The following CYFIP2 variants were observed in gnomAD, a reference collection of about 807,000 sequenced individuals.
CYFIP2 encodes the protein cytoplasmic FMR1-interacting protein 2.
In CYFIP2, 29 loss-of-function variants were observed where a neutral mutation model predicts 158.7. That is an observed-to-expected ratio of 0.18 (90% CI 0.14 to 0.25). The LOEUF is 0.25. Ranked by LOEUF, CYFIP2 falls within the 10% of genes least tolerant of loss-of-function variation. The pLI is 1.00. For synonymous variants in CYFIP2, 585 were observed against 617.6 expected (o/e 0.95, Z 0.78); for missense variants, 852 against 1,639.5 (o/e 0.52, Z 8.29).
At chr5:157,306,437 G>A (rs570709651) in intron 8 of CYFIP2, among the ~76,000 whole-genome samples, 5 of 152,204 alleles carry the variant, frequency 3.3e-5, no homozygotes, top group East Asian at 3.9e-4. Context: ...CCCCATACCC[G>A]GACTTCCCTG....
intron 6 of CYFIP2, 32 bp from the exon 7 acceptor site, chr5:157,302,762 C>T (rs181281359): frequency 1.9e-6 from 3 of 1,539,638 alleles, no homozygotes; most frequent in Middle Eastern, 1.7e-4. Flanking sequence ...CTTGGACAGT[C>T]CTCTCTGCAG....
intron 13 of CYFIP2, among the ~76,000 whole-genome samples, chr5:157,318,249 G>T (rs1026277111): frequency 1.3e-5 from 2 of 152,190 alleles, no homozygotes; most frequent in African/African-American, 2.4e-5. Flanking sequence ...CAGTTATTTG[G>T]TGGTTAGTGA....
chr5:157,340,389 A>G lies in CYFIP2; in HGVS notation c.2586-681A>G, dbSNP rs551261675. Among the ~76,000 whole-genome samples, 7 of 152,360 alleles carry G rather than the reference A, an allele frequency of 4.6e-5. No homozygotes were observed. In the South Asian group the frequency reaches 1.2e-3, roughly 27 times the overall value. On this transcript the variant is annotated intron_variant, in intron 22 of 30. Coordinates refer to ENST00000620254, the MANE Select transcript of CYFIP2 (RefSeq NM_001037333.3). ...AAGTGAGATAGATTTCCAGTTCTAT[A>G]AAGATTTAGGAGCTTTAACACTCTT...
At chr5:157,346,300 G>GC (rs561632810) in intron 23 of CYFIP2, among the ~76,000 whole-genome samples, 187 of 152,100 alleles carry the variant, frequency 1.2e-3, no homozygotes, top group African/African-American at 4.2e-3. Context: ...GTTGAATAAT[G>GC]CCCCCCCAAA....
In CYFIP2 at chr5:157,361,305, G is replaced by A. The variant is rs891220371; in HGVS notation, c.2909-163G>A. The A allele has an allele frequency of 8.9e-6, 7 of 786,144 alleles. No individual in the cohort carries two copies. Among genetic ancestry groups the A allele is most frequent in the Middle Eastern group, 3.8e-4 (1 of 2,644 alleles). The allele number at this position is 786,144 out of a possible 1,614,324, so 48.7% of individuals were successfully genotyped here. ...CTACTCGAACTTTGTCCAGTACTGA[G>A]CCCTGAAAGAAATCTCACTCTGGGC... On this transcript the variant is annotated intron_variant, in intron 25 of 30. Transcript: ENST00000620254. The surrounding 1 kb of genome is among the most constrained non-coding windows in gnomAD (Gnocchi z 4.4).
rs2113240995 is a variant in CYFIP2 at position 157,341,128 on chromosome 5, G to A, written c.2644G>A (p.Val882Ile). 7 of 1,613,906 alleles carry A rather than the reference G, an allele frequency of 4.3e-6. No homozygotes were observed. The highest frequency in any genetic ancestry group is 1.1e-5 in the South Asian group (1 of 91,070). ...QEPQRDKPAN[V>I]QPYYLYGSKP... is the part of the protein sequence containing the mutation. ...ACCACAACGAGACAAACCTGCCAAC[G>A]TCCAGCCTTATTACCTCTATGGATC... Residue 882 changes from valine to isoleucine, a missense_variant, in exon 23 of 31, where the codon GTC (valine) becomes ATC (isoleucine). Coordinates refer to ENST00000620254, the MANE Select transcript of CYFIP2 (RefSeq NM_001037333.3).
intron 1 of CYFIP2, among the ~76,000 whole-genome samples, chr5:157,280,425 G>C (rs943166793): frequency 2.0e-5 from 3 of 146,460 alleles, no homozygotes; most frequent in African/African-American, 5.1e-5. Flanking sequence ...AAATTGACCA[G>C]GCTGGTCAGG....
chr5:157,351,234 C>T (rs899062048), intron 23 of CYFIP2, among the ~76,000 whole-genome samples: 13 of 152,030 alleles, frequency 8.6e-5, no homozygotes, highest in Non-Finnish European at 1.9e-4. Flanking sequence ...CCTGGGCTTA[C>T]GAATAGTAGC....
chr5:157,324,587 A>G (rs1182038798), intron 16 of CYFIP2, among the ~76,000 whole-genome samples: 1 of 152,224 alleles, frequency 6.6e-6, no homozygotes, highest in Non-Finnish European at 1.5e-5. Context: ...TGTAACAAAC[A>G]GTACAAACTT....
At chr5:157,346,034 C>T (rs992772534) in intron 23 of CYFIP2, among the ~76,000 whole-genome samples, 3 of 152,178 alleles carry the variant, frequency 2.0e-5, no homozygotes, top group African/African-American at 7.2e-5. Context: ...CTACACTTCC[C>T]CATCCCAACT....
intron 15 of CYFIP2, among the ~76,000 whole-genome samples, chr5:157,322,624 C>T (rs540486135): frequency 4.9e-4 from 75 of 152,310 alleles, no homozygotes; most frequent in African/African-American, 1.8e-3. Context: ...GAGGCACTGA[C>T]GGCCACTGTG....
chr5:157,283,398 A>G (rs1344597459), intron 1 of CYFIP2, among the ~76,000 whole-genome samples: 1 of 152,212 alleles, frequency 6.6e-6, no homozygotes, highest in Non-Finnish European at 1.5e-5. Context: ...TCCCTCCTGT[A>G]AAATGGACCT....
Position 157,389,207 on chromosome 5 carries a change from G to C in CYFIP2, c.3226G>C (p.Glu1076Gln). 1.2e-6 allele frequency: 2 copies of C among 1,612,206 alleles called. No individual in the cohort carries two copies. The highest frequency in any genetic ancestry group is 8.5e-7 in the Non-Finnish European group (1 of 1,178,658). ...GTPQQIAIAR[E>Q]GDLLTKERLC... is the part of the protein sequence containing the mutation. ...TTTCCAGCAAATCGCCATTGCTCGCGAGGGTGACCTCCTGACCAAGGAGCG... is the reference window on the plus strand; with the variant it reads ...TTTCCAGCAAATCGCCATTGCTCGCCAGGGTGACCTCCTGACCAAGGAGCG... The change falls in exon 29 of 31, where the codon GAG becomes CAG. Residue 1076 changes from glutamate to glutamine, a missense_variant. Glu to Gln is a conservative substitution (Grantham distance 29, BLOSUM62 2). This residue lies in a region of CYFIP2 where 223 missense variants were observed against 381.6 expected (regional missense o/e 0.58). Coordinates refer to ENST00000620254, the MANE Select transcript of CYFIP2 (RefSeq NM_001037333.3).
At chr5:157,309,494 G>A (rs1424122996) in intron 9 of CYFIP2, among the ~76,000 whole-genome samples, 2 of 152,180 alleles carry the variant, frequency 1.3e-5, no homozygotes, top group African/African-American at 4.8e-5. Flanking sequence ...AGTGACCTTG[G>A]ACAAGTCACT....
chr5:157,365,200 C>A (rs879552164), intron 26 of CYFIP2: 3 of 152,180 alleles, frequency 2.0e-5, no homozygotes, highest in Non-Finnish European at 4.4e-5. Flanking sequence ...AAGGAAAGCA[C>A]ATTCATGTAT....
intron 29 of CYFIP2, 54 bp from the exon 30 acceptor site, chr5:157,390,467 C>T: frequency 7.5e-7 from 1 of 1,335,644 alleles, no homozygotes. Context: ...TCCCTCCCTC[C>T]CTGCCCTCCT....
chr5:157,341,841 G>A (rs558822901), intron 23 of CYFIP2: 18 of 152,402 alleles, frequency 1.2e-4, no homozygotes, highest in Admixed American at 1.2e-3. Context: ...GAGAGTACAG[G>A]CGTCTTCTCC....
intron 6 of CYFIP2, 131 bp from the exon 7 acceptor site, chr5:157,302,663 G>A (rs961011350): frequency 1.5e-6 from 1 of 651,616 alleles, no homozygotes; most frequent in African/African-American, 1.8e-5. Context: ...GTGTTGCCTG[G>A]GATATTCAGA....
chr5:157,361,716 CT>C lies in CYFIP2; in HGVS notation c.3039+122del. 2 of 1,257,972 alleles carry C rather than the reference CT, an allele frequency of 1.6e-6. No individual in the cohort carries two copies. The allele number at this position is 1,257,972 out of a possible 1,614,324, so 77.9% of individuals were successfully genotyped here. On this transcript the variant is annotated intron_variant, in intron 26 of 30. Transcript: ENST00000620254. The surrounding 1 kb of genome is among the most constrained non-coding windows in gnomAD (Gnocchi z 4.4). ...TGCTTTGAGTACAAGCTCACATGCTCTTTTCAGTTCATTTCCAGACAGACAT... is the reference window on the plus strand; with the variant it reads ...TGCTTTGAGTACAAGCTCACATGCTCTTTCAGTTCATTTCCAGACAGACAT...
Sources: allele counts gnomAD v4.1 joint callset (sites outside exome capture counted in the v4.1 genomes callset), GRCh38; gene constraint gnomAD v4.1.1; regional missense constraint gnomAD v4.1.1; non-coding constraint Gnocchi (gnomAD v3.1); transcripts MANE v1.5; gene names NCBI Gene and HGNC (gene_info 2026-07-23, HGNC 2026-07-21).